The following TP63 variants were observed in gnomAD, a reference collection of about 807,000 sequenced individuals.
TP63 encodes tumor protein 63.
Under a neutral mutation model 82.8 loss-of-function variants are expected in TP63, and 17 were observed. The ratio of observed to expected loss-of-function variants is 0.21; its 90% CI spans 0.14 to 0.31. The LOEUF (loss-of-function observed/expected upper bound fraction) is 0.31, where lower values mean the gene tolerates loss of function less well. TP63 is among the 10% of genes least tolerant of loss of function. TP63 has a pLI of 1.00. For missense variants in TP63, 648 were observed against 895.3 expected, an observed-to-expected ratio of 0.72 and a Z score of 3.52; for synonymous variants, 330 against 321.7, an observed-to-expected ratio of 1.03 and a Z score of -0.28.
chr3:189,614,028 G>A, the TP63 span, among the ~76,000 whole-genome samples: 2 of 152,168 alleles, frequency 1.3e-5, no homozygotes, highest in African/African-American at 2.4e-5. Context: ...TTTGGTTAGG[G>A]CTGAAATGAG....
intron 1 of TP63, among the ~76,000 whole-genome samples, chr3:189,673,930 T>C (rs1386267304): frequency 6.6e-6 from 1 of 152,118 alleles, no homozygotes; most frequent in Non-Finnish European, 1.5e-5. Flanking sequence ...ATTATTGTTA[T>C]TATGAATAAT....
At chr3:189,850,733 T>TAA (rs1284959068) in intron 4 of TP63, among the ~76,000 whole-genome samples, 1 of 151,894 alleles carries the variant, frequency 6.6e-6, no homozygotes, top group Non-Finnish European at 1.5e-5. Flanking sequence ...ATAATAATAA[T>TAA]AAAAATAAAA....
At chr3:189,674,031 T>C (rs1177816757) in intron 1 of TP63, among the ~76,000 whole-genome samples, 1 of 152,066 alleles carries the variant, frequency 6.6e-6, no homozygotes, top group Admixed American at 6.6e-5. Flanking sequence ...ATATGATTGA[T>C]AGCGTAAGTG....
At chr3:189,834,516 A>C (rs1712832900) in intron 4 of TP63, among the ~76,000 whole-genome samples, 2 of 152,186 alleles carry the variant, frequency 1.3e-5, no homozygotes, top group South Asian at 4.1e-4. Flanking sequence ...GGAATTTTCC[A>C]TTAGGAATTT....
rs866273925 is a variant in TP63, at chr3:189,833,619, T to A, written c.579+25093T>A. ...TCTTAATTCCAGCTTCCTGTCTTCT[T>A]AGAAGCAGATCACACTGAAAGAGGA... On this transcript the variant is annotated intron_variant, in intron 4 of 13. Coordinates refer to ENST00000264731, the MANE Select transcript of TP63 (RefSeq NM_003722.5). Among the ~76,000 whole-genome samples, 16 of 152,032 alleles carry A rather than the reference T, an allele frequency of 1.1e-4. No homozygotes were observed. The South Asian group carries it at 2.7e-3, about 26-fold the overall frequency.
chr3:189,849,193 C>T (rs1374633961), intron 4 of TP63, among the ~76,000 whole-genome samples: 2 of 152,238 alleles, frequency 1.3e-5, no homozygotes, highest in African/African-American at 2.4e-5. Context: ...GATGTCTCTT[C>T]ATCTTCATCC....
In TP63 at chr3:189,770,302, G is replaced by A. The variant is rs545179979; in HGVS notation, c.324+31528G>A. 9.9e-5 allele frequency among the ~76,000 whole-genome samples: 15 copies of A among 152,224 alleles called. No individual in the cohort carries two copies. In the East Asian group the frequency reaches 2.9e-3, roughly 29 times the overall value. ...ATTAAATTAAAATTATTTTGGGCCG[G>A]GTATGGTGACTCATGCCTGCAATCC... On this transcript the variant is annotated intron_variant, in intron 3 of 13. Transcript: ENST00000264731.
chr3:189,680,578 A>G (rs79887304), intron 1 of TP63, among the ~76,000 whole-genome samples: 5,465 of 152,298 alleles, frequency 0.036, 140 homozygotes, highest in Non-Finnish European at 0.053. Context: ...TAAAAGCATC[A>G]TACACCATGA....
chr3:189,831,608 C>G (rs1212664890), intron 4 of TP63, among the ~76,000 whole-genome samples: 1 of 151,084 alleles, frequency 6.6e-6, no homozygotes, highest in Non-Finnish European at 1.5e-5. Flanking sequence ...GATTTTCTGG[C>G]CAGGTGCTCA....
At chr3:189,880,003 T>G (rs897971995) in intron 10 of TP63, 1 of 1,584,182 alleles carries the variant, frequency 6.3e-7, no homozygotes, top group African/African-American at 1.4e-5. Context: ...TGAATTCAAT[T>G]GATTTGAATA....
At chr3:189,890,722 C>T (rs932163287) in intron 12 of TP63, 67 bp from the exon 13 acceptor site, 26 of 1,463,668 alleles carry the variant, frequency 1.8e-5, no homozygotes, top group Non-Finnish European at 2.3e-5. Flanking sequence ...TCCCTTATCT[C>T]GCCAATGCAG....
intron 3 of TP63, among the ~76,000 whole-genome samples, chr3:189,796,238 T>A (rs557967377): frequency 9.5e-4 from 145 of 152,144 alleles, no homozygotes; most frequent in Middle Eastern, 3.4e-3. Context: ...TGCCATAAAA[T>A]TTTTAAATTT....
chr3:189,746,811 T>C (rs1287781152), intron 3 of TP63, among the ~76,000 whole-genome samples: 1 of 150,174 alleles, frequency 6.7e-6, no homozygotes, highest in African/African-American at 2.4e-5. Flanking sequence ...TATTTCAATA[T>C]ATTTTATATA....
chr3:189,857,516 G>A lies in TP63; in HGVS notation c.580-6716G>A, dbSNP rs1716436907. On this transcript the variant is annotated intron_variant, in intron 4 of 13. Transcript: ENST00000264731. ...TTCAAGGGAAAATATTGATAATTAA[G>A]TATTTTGGGAAAGCAGGAAAAAAGC... 3.3e-5 allele frequency among the ~76,000 whole-genome samples: 5 copies of A among 152,082 alleles called. No homozygotes were observed. The South Asian group carries it at 1.0e-3, about 32-fold the overall frequency.
chr3:189,719,623 A>G (rs1019297160), intron 1 of TP63, among the ~76,000 whole-genome samples: 2 of 152,192 alleles, frequency 1.3e-5, no homozygotes, highest in African/African-American at 4.8e-5. Context: ...ACAGCTACTC[A>G]GCTCTGCCGT....
At chr3:189,836,285 T>G (rs762592269) in intron 4 of TP63, among the ~76,000 whole-genome samples, 5 of 152,156 alleles carry the variant, frequency 3.3e-5, no homozygotes, top group Non-Finnish European at 5.9e-5. Context: ...GCAAACAATA[T>G]GAAACTGAAT....
At chr3:189,622,968 A>G in the TP63 span, among the ~76,000 whole-genome samples, 1 of 152,126 alleles carries the variant, frequency 6.6e-6, no homozygotes. Flanking sequence ...TTTTTTTTCT[A>G]AGTAAATGAT....
intron 3 of TP63, among the ~76,000 whole-genome samples, chr3:189,771,704 G>T (rs777840190): frequency 6.6e-6 from 1 of 151,752 alleles, no homozygotes; most frequent in Non-Finnish European, 1.5e-5. Flanking sequence ...GTCTTGTTTG[G>T]TTGATTGCTC....
At chr3:189,677,705 T>C (rs1027678240) in intron 1 of TP63, among the ~76,000 whole-genome samples, 3 of 152,018 alleles carry the variant, frequency 2.0e-5, no homozygotes, top group African/African-American at 7.2e-5. Context: ...CTAATTTATA[T>C]TCCCACCAAC....
Sources: gnomAD v4.1 joint callset for allele counts (sites outside exome capture counted in the v4.1 genomes callset) on GRCh38, gnomAD v4.1.1 for gene constraint, MANE v1.5 for transcripts, NCBI Gene and HGNC (gene_info 2026-07-23, HGNC 2026-07-21) for gene names.